INSL6: variants seen among roughly 807,000 people sequenced by gnomAD.
The protein encoded by INSL6 is insulin-like peptide INSL6.
In INSL6, 16 loss-of-function variants were observed where a neutral mutation model predicts 9.4. The ratio of observed to expected loss-of-function variants is 1.70; its 90% CI spans 1.15 to 2.59. The LOEUF (loss-of-function observed/expected upper bound fraction) is 2.59, where lower values mean the gene tolerates loss of function less well. Ranked by LOEUF, INSL6 falls within the 30% of genes most tolerant of loss-of-function variation. INSL6 has a pLI of 0.00. For synonymous variants in INSL6, 154 were observed against 96.9 expected (o/e 1.59, Z -3.46); for missense variants, 391 against 257.3 (o/e 1.52, Z -3.56).
chr9:5,035,667 G>A, the INSL6 span, among the ~76,000 whole-genome samples: 1 of 152,076 alleles, frequency 6.6e-6, no homozygotes, highest in Non-Finnish European at 1.5e-5. Context: ...AAGGTCTTTG[G>A]CAAAATTCAA....
the INSL6 span, among the ~76,000 whole-genome samples, chr9:5,040,789 C>T: frequency 6.6e-6 from 1 of 152,336 alleles, no homozygotes; most frequent in Admixed American, 6.5e-5. Flanking sequence ...CATGCGGTGG[C>T]TGGCCCAGGC....
chr9:5,154,354 T>G (rs1272040167), intron 2 of INSL6, among the ~76,000 whole-genome samples: 1 of 152,240 alleles, frequency 6.6e-6, no homozygotes, highest in Admixed American at 6.5e-5. Context: ...ATGTTAGACC[T>G]AAAACCATAA....
chr9:5,131,351 G>A (rs113584134), intron 3 of INSL6, among the ~76,000 whole-genome samples: 1 of 149,124 alleles, frequency 6.7e-6, no homozygotes, highest in South Asian at 2.1e-4. Flanking sequence ...TTTTATTAGA[G>A]AAAAAAAGTT....
At chr9:5,081,086 G>A in the INSL6 span, among the ~76,000 whole-genome samples, 3 of 151,492 alleles carry the variant, frequency 2.0e-5, no homozygotes, top group East Asian at 1.9e-4. Context: ...TAGTAGAGAC[G>A]GGGTTTCACC....
At chr9:5,073,593 C>A in the INSL6 span, 1 of 839,330 alleles carries the variant, frequency 1.2e-6, no homozygotes, top group Non-Finnish European at 2.0e-6. Flanking sequence ...TATAGTCATG[C>A]TGAAAGTAGG....
At chr9:5,166,237 G>T (rs1290707619) in intron 1 of INSL6, among the ~76,000 whole-genome samples, 2 of 152,040 alleles carry the variant, frequency 1.3e-5, no homozygotes, top group African/African-American at 2.4e-5. Flanking sequence ...TTTTTAAGAG[G>T]TAATATGATT....
At chr9:5,067,496 G>T in the INSL6 span, among the ~76,000 whole-genome samples, 2 of 151,974 alleles carry the variant, frequency 1.3e-5, no homozygotes, top group East Asian at 1.9e-4. Context: ...TTTATAAAAT[G>T]CAACTTATAT....
At chr9:5,031,407 A>C in the INSL6 span, among the ~76,000 whole-genome samples, 1 of 152,244 alleles carries the variant, frequency 6.6e-6, no homozygotes, top group South Asian at 2.1e-4. Flanking sequence ...ATATCTTGAA[A>C]GTACTCCTTC....
rs1044146126 is a variant in INSL6, at chr9:5,175,206, C to T, written c.289+10108G>A. Among the ~76,000 whole-genome samples the T allele has an allele frequency of 2.0e-5, 3 of 152,142 alleles. No individual in the cohort carries two copies. The East Asian group carries it at 5.8e-4, about 29-fold the overall frequency. On this transcript the variant is annotated intron_variant, in intron 1 of 1. Coordinates refer to ENST00000381641, the MANE Select transcript of INSL6 (RefSeq NM_007179.3). ...CCACCTGCCTCGGCCTCCCAAAGTG[C>T]TGGGATTACAGGCATGAGCCACCGC...
At chr9:5,096,516 C>G in the INSL6 span, 8 of 152,084 alleles carry the variant, frequency 5.3e-5, no homozygotes, top group African/African-American at 1.9e-4. Flanking sequence ...GGTGGTAGGC[C>G]GGAGAAGCCC....
the INSL6 span, among the ~76,000 whole-genome samples, chr9:5,115,784 C>A: frequency 2.0e-5 from 3 of 152,208 alleles, no homozygotes; most frequent in African/African-American, 7.2e-5. Flanking sequence ...AGCTAGAAAC[C>A]ATAATTCTCA....
At chr9:5,006,721 G>A in the INSL6 span, among the ~76,000 whole-genome samples, 16 of 152,154 alleles carry the variant, frequency 1.1e-4, no homozygotes, top group Non-Finnish European at 1.3e-4. Flanking sequence ...CTAGCAAAGC[G>A]TAAATCCATC....
chr9:5,104,342 C>T, the INSL6 span, among the ~76,000 whole-genome samples: 2 of 152,158 alleles, frequency 1.3e-5, no homozygotes, highest in African/African-American at 4.8e-5. Context: ...TGGACACATA[C>T]ACCCTCCCAA....
At chr9:5,022,930 A>C in the INSL6 span, among the ~76,000 whole-genome samples, 1 of 152,254 alleles carries the variant, frequency 6.6e-6, no homozygotes, top group Non-Finnish European at 1.5e-5. Flanking sequence ...TATTTATAAG[A>C]ATGTATGATT....
At chr9:5,055,850 A>G in the INSL6 span, 89 of 1,425,920 alleles carry the variant, frequency 6.2e-5, no homozygotes, top group Non-Finnish European at 8.4e-5. Context: ...TGTGTATTTT[A>G]GAATCTTAGT....
At chr9:5,111,034 G>A in the INSL6 span, 12 of 884,928 alleles carry the variant, frequency 1.4e-5, no homozygotes, top group African/African-American at 1.0e-4. Context: ...CTCCCTGGCC[G>A]GGGCGCAATT....
the INSL6 span, among the ~76,000 whole-genome samples, chr9:5,088,214 G>C: frequency 2.8e-4 from 42 of 152,114 alleles, no homozygotes; most frequent in African/African-American, 9.9e-4. Flanking sequence ...AATCTGACTT[G>C]AGAGTCCTGG....
At position 5,152,861 on chromosome 9, in the gene INSL6, T is replaced by C. The variant is rs575150246; in HGVS notation, c.376+11318A>G. On this transcript the variant is annotated intron_variant, in intron 2 of 3. Coordinates refer to the INSL6 transcript ENST00000649639. ...CAACTAAGGTACCACATTCATCTCA[T>C]TGGGACTGGTTAGAGAGTGGGTGCA... Among the ~76,000 whole-genome samples, 21 of 152,246 alleles carry C rather than the reference T, an allele frequency of 1.4e-4. No homozygotes were observed. In the East Asian group the frequency reaches 3.9e-3, roughly 28 times the overall value.
At chr9:5,054,431 A>G in the INSL6 span, 2 of 668,884 alleles carry the variant, frequency 3.0e-6, no homozygotes, top group Middle Eastern at 4.2e-4. The surrounding 1 kb of genome is among the most constrained non-coding windows in gnomAD (Gnocchi z 4.9). Context: ...ATGTCAACTT[A>G]CGCCACTTGG....
Sources: gnomAD v4.1 joint callset for allele counts (sites outside exome capture counted in the v4.1 genomes callset) on GRCh38, gnomAD v4.1.1 for gene constraint, Gnocchi (gnomAD v3.1) non-coding constraint, MANE v1.5 for transcripts, NCBI Gene and HGNC (gene_info 2026-07-23, HGNC 2026-07-21) for gene names.